Variants in SLF1 observed in about 807,000 individuals in gnomAD.
The protein encoded by SLF1 is SMC5-SMC6 complex localization factor protein 1.
Under a neutral mutation model 123.0 loss-of-function variants are expected in SLF1, and 105 were observed. That is an observed-to-expected ratio of 0.85 (90% confidence interval 0.73 to 1.00). The LOEUF is 1.00. Among genes scored for constraint, SLF1 ranks in the 50% least tolerant of loss-of-function variants. The pLI, the probability that SLF1 is intolerant of heterozygous loss-of-function variation, is 0.00. For synonymous variants in SLF1, 434 were observed against 406.6 expected (o/e 1.07, Z -0.81); for missense variants, 1,239 against 1,223.0 (o/e 1.01, Z -0.20).
At position 94,671,368 on chromosome 5, in the gene SLF1, A is replaced by G. The variant is rs1750427908; in HGVS notation, c.1827+360A>G. 4.0e-5 allele frequency among the ~76,000 whole-genome samples: 6 copies of G among 151,496 alleles called. No homozygotes were observed. The South Asian group carries it at 1.2e-3, about 31-fold the overall frequency. On this transcript the variant is annotated intron_variant, in intron 14 of 20. Coordinates refer to ENST00000265140, the MANE Select transcript of SLF1 (RefSeq NM_032290.4). The stretch of plus-strand genomic sequence containing the variant: ...TTGAGGGGTACTACTAATAAATATT[A>G]ATATTTATTAGTATTATTTTAAAAC...
intron 1 of SLF1, among the ~76,000 whole-genome samples, chr5:94,619,274 C>T (rs941591278): frequency 2.6e-5 from 4 of 151,346 alleles, no homozygotes; most frequent in Non-Finnish European, 4.4e-5. Context: ...TCATTCTTTC[C>T]TCTCTAGTAG....
In SLF1 at chr5:94,696,429, A is replaced by G. The variant is rs1355072444; in HGVS notation, c.*1117A>G. The G allele has an allele frequency of 6.6e-6, 1 of 151,852 alleles. No individual in the cohort carries two copies. The highest frequency in any genetic ancestry group is 1.9e-4 in the East Asian group (1 of 5,174). 9.4% of individuals were successfully genotyped at this position (151,852 alleles called of 1,614,324 possible). A position where few individuals can be genotyped will look rare whatever the true frequency, so the allele number is the denominator to read the frequency against. On this transcript the variant is annotated 3_prime_UTR_variant, in exon 21 of 21. Coordinates refer to ENST00000265140, the MANE Select transcript of SLF1 (RefSeq NM_032290.4). ...TTGAAAACTGCTATATCAGTATGAA[A>G]AAATATTTTAAATAAGTACTTTTTC...
At chr5:94,640,335 T>G (rs1276528570) in intron 4 of SLF1, among the ~76,000 whole-genome samples, 1 of 152,204 alleles carries the variant, frequency 6.6e-6, no homozygotes, top group African/African-American at 2.4e-5. Context: ...GCTTACATAG[T>G]TCTGATGAGA....
intron 5 of SLF1, among the ~76,000 whole-genome samples, chr5:94,645,996 A>T (rs1371399708): frequency 6.6e-6 from 1 of 152,178 alleles, no homozygotes; most frequent in Non-Finnish European, 1.5e-5. Context: ...TGGTTCTGTA[A>T]TCCAAGCACT....
intron 9 of SLF1, among the ~76,000 whole-genome samples, chr5:94,660,433 G>A (rs928363941): frequency 3.9e-5 from 6 of 152,164 alleles, no homozygotes; most frequent in Non-Finnish European, 7.3e-5. Flanking sequence ...ACAGGGATGG[G>A]TTGATACCCA....
At chr5:94,678,717 GT>G in intron 14 of SLF1, 90 bp from the exon 15 acceptor site, 1 of 1,163,360 alleles carries the variant, frequency 8.6e-7, no homozygotes, top group Non-Finnish European at 1.2e-6. Context: ...AAATAGCTAT[GT>G]TTTGCCCCTC....
chr5:94,652,300 C>T (rs1453079461), intron 7 of SLF1, among the ~76,000 whole-genome samples: 7 of 152,174 alleles, frequency 4.6e-5, no homozygotes, highest in Non-Finnish European at 1.0e-4. Flanking sequence ...TGAGCCACTG[C>T]GCCCAGCCTG....
chr5:94,692,029 G>T, intron 19 of SLF1, 45 bp from the exon 20 acceptor site: 1 of 1,590,818 alleles, frequency 6.3e-7, no homozygotes, highest in Non-Finnish European at 8.6e-7. Flanking sequence ...TCTACCAAAA[G>T]TCCTACTTCT....
chr5:94,686,862 A>ACTGTAAGCTCCGCCTCC lies in SLF1; in HGVS notation c.2121+146_2121+162dup, dbSNP rs1490021436. 106 of 951,546 alleles carry ACTGTAAGCTCCGCCTCC rather than the reference A, an allele frequency of 1.1e-4. No individual in the cohort carries two copies. In the African/African-American group the frequency reaches 1.5e-3, roughly 13 times the overall value. The allele number at this position is 951,546 out of a possible 1,614,324, so 58.9% of individuals were successfully genotyped here. A position where few individuals can be genotyped will look rare whatever the true frequency, so the allele number is the denominator to read the frequency against. ...GAGTGCAGTGGCGCAATCGCGGCTCACTGTAAGCTCCGCCTCCCGGGTGCA... is the reference window on the plus strand; with the variant it reads ...GAGTGCAGTGGCGCAATCGCGGCTCACTGTAAGCTCCGCCTCCCTGTAAGCTCCGCCTCCCGGGTGCA... On this transcript the variant is annotated intron_variant, in intron 16 of 20. Transcript: ENST00000265140.
intron 1 of SLF1, among the ~76,000 whole-genome samples, chr5:94,621,880 T>TTA (rs1379741384): frequency 9.6e-6 from 1 of 104,536 alleles, no homozygotes; most frequent in African/African-American, 4.7e-5. Flanking sequence ...TAATTAATAT[T>TTA]TATACACACA....
intron 4 of SLF1, among the ~76,000 whole-genome samples, chr5:94,637,994 T>C (rs1479155168): frequency 6.6e-6 from 1 of 152,074 alleles, no homozygotes; most frequent in Non-Finnish European, 1.5e-5. Flanking sequence ...AGGCTGGGCC[T>C]GGAGGCTGCC....
At chr5:94,682,676 A>G (rs1751947724) in intron 15 of SLF1, among the ~76,000 whole-genome samples, 1 of 152,232 alleles carries the variant, frequency 6.6e-6, no homozygotes. Flanking sequence ...AATTTTTTCC[A>G]TCAGATCTCA....
At chr5:94,636,057 G>A (rs1429733104) in intron 4 of SLF1, among the ~76,000 whole-genome samples, 1 of 152,122 alleles carries the variant, frequency 6.6e-6, no homozygotes, top group African/African-American at 2.4e-5. Flanking sequence ...GTTTAGCCAG[G>A]TAAGTAAGGT....
At position 94,681,830 on chromosome 5, in the gene SLF1, T is replaced by G. The variant is rs544503326; in HGVS notation, c.1975+2875T>G. ...TGTCTAGTTTTTTCTTTTCTGTTAG[T>G]GCAGGTTGATGTTTAACCTTTGTCA... On this transcript the variant is annotated intron_variant, in intron 15 of 20. Coordinates refer to ENST00000265140, the MANE Select transcript of SLF1 (RefSeq NM_032290.4). Among the ~76,000 whole-genome samples, 62 of 152,330 alleles carry G rather than the reference T, an allele frequency of 4.1e-4. 1 individual carries two copies. In the South Asian group the frequency reaches 8.3e-3, roughly 20 times the overall value.
At chr5:94,664,830 C>T (rs1749556100) in intron 11 of SLF1, among the ~76,000 whole-genome samples, 1 of 152,150 alleles carries the variant, frequency 6.6e-6, no homozygotes, top group Non-Finnish European at 1.5e-5. Flanking sequence ...GTTTCAGGAC[C>T]TTTGTGGATA....
intron 11 of SLF1, among the ~76,000 whole-genome samples, chr5:94,664,501 C>G (rs936655445): frequency 3.9e-5 from 6 of 152,222 alleles, no homozygotes; most frequent in Non-Finnish European, 8.8e-5. Context: ...TGCTATGTTG[C>G]CCATGCTGGG....
chr5:94,684,571 A>G (rs1052182695), intron 15 of SLF1, among the ~76,000 whole-genome samples: 7 of 151,474 alleles, frequency 4.6e-5, no homozygotes, highest in Admixed American at 3.9e-4. Context: ...GGTGGCGAGC[A>G]CCTCTAGTCC....
intron 4 of SLF1, among the ~76,000 whole-genome samples, chr5:94,640,733 T>C (rs1455748727): frequency 2.6e-5 from 4 of 152,200 alleles, no homozygotes; most frequent in Non-Finnish European, 5.9e-5. Flanking sequence ...TGATTCCTTT[T>C]TCAGTTGTGT....
At chr5:94,675,301 T>A (rs1196127114) in intron 14 of SLF1, among the ~76,000 whole-genome samples, 1 of 152,232 alleles carries the variant, frequency 6.6e-6, no homozygotes, top group Non-Finnish European at 1.5e-5. Flanking sequence ...TAGAAAGGAA[T>A]TCTAAGGTAA....
Sources: allele counts gnomAD v4.1 joint callset (sites outside exome capture counted in the v4.1 genomes callset), GRCh38; gene constraint gnomAD v4.1.1; transcripts MANE v1.5; gene names NCBI Gene and HGNC (gene_info 2026-07-23, HGNC 2026-07-21).